Variants in EMP2 observed in about 807,000 individuals in gnomAD.
EMP2 encodes the protein epithelial membrane protein 2.
A neutral mutation model predicts 13.7 loss-of-function variants in EMP2; 19 were observed. The observed-to-expected ratio is 1.38, with a 90% CI of 0.97 to 2.03. The LOEUF (loss-of-function observed/expected upper bound fraction) is 2.03. Among genes scored for constraint, EMP2 ranks in the 30% most tolerant of loss-of-function variants. The pLI, the probability that EMP2 is intolerant of heterozygous loss-of-function variation, is 0.00. For synonymous variants in EMP2, 97 were observed against 84.7 expected (o/e 1.15, Z -0.80); for missense variants, 253 against 220.7 (o/e 1.15, Z -0.93).
At chr16:10,571,229 C>T (rs1161175758) in intron 1 of EMP2, among the ~76,000 whole-genome samples, 5 of 130,632 alleles carry the variant, frequency 3.8e-5, no homozygotes, top group African/African-American at 1.4e-4. Context: ...TGCACTCCAG[C>T]CTGGTGACAG....
intron 1 of EMP2, among the ~76,000 whole-genome samples, chr16:10,560,400 G>A (rs926244410): frequency 6.6e-5 from 10 of 152,238 alleles, no homozygotes; most frequent in African/African-American, 2.4e-4. Flanking sequence ...GGCAAGGACT[G>A]TGATCCACTT....
chr16:10,541,343 AT>A (rs2050697222), intron 3 of EMP2, among the ~76,000 whole-genome samples: 1 of 152,164 alleles, frequency 6.6e-6, no homozygotes, highest in South Asian at 2.1e-4. Context: ...CAGACAGTGA[AT>A]ATTTTAGGTT....
Position 10,532,756 on chromosome 16 carries a change from T to TTC in EMP2, c.*147_*148dup, listed in dbSNP as rs2050614639. The TTC allele has an allele frequency of 2.9e-6, 1 of 348,652 alleles. No individual in the cohort carries two copies. Among genetic ancestry groups the TTC allele is most frequent in the Non-Finnish European group, 4.2e-6 (1 of 240,540 alleles). 21.6% of individuals were successfully genotyped at this position (348,652 alleles called of 1,614,324 possible). ...CTCTTTTGGATTTTTTTTTTCTTTT[T>TTC]TCTTTTTTTTTTTTTTTTTTTTTTT... On this transcript the variant is annotated 3_prime_UTR_variant, in exon 5 of 5. Coordinates refer to ENST00000359543, the MANE Select transcript of EMP2 (RefSeq NM_001424.6).
intron 1 of EMP2, among the ~76,000 whole-genome samples, chr16:10,557,366 A>G (rs1335700773): frequency 6.6e-6 from 1 of 151,414 alleles, no homozygotes; most frequent in African/African-American, 2.4e-5. Context: ...CAAAAAAAAA[A>G]AAAAAACCCA....
chr16:10,575,993 A>G (rs1370661149), intron 1 of EMP2, among the ~76,000 whole-genome samples: 2 of 152,056 alleles, frequency 1.3e-5, no homozygotes, highest in East Asian at 1.9e-4. Flanking sequence ...TTATAAAGCC[A>G]TCTCCCCAAA....
chr16:10,537,800 A>G, intron 4 of EMP2, 128 bp downstream of exon 4: 1 of 1,211,028 alleles, frequency 8.3e-7, no homozygotes, highest in Non-Finnish European at 1.2e-6. Context: ...ACACCGGCAC[A>G]CAGCACCGCG....
intron 1 of EMP2, among the ~76,000 whole-genome samples, chr16:10,553,357 G>C (rs961976437): frequency 7.9e-5 from 12 of 152,218 alleles, no homozygotes; most frequent in African/African-American, 2.9e-4. Flanking sequence ...AGCCGTACCA[G>C]AGTAACACTC....
intron 1 of EMP2, among the ~76,000 whole-genome samples, chr16:10,558,687 C>T (rs1373462074): frequency 1.3e-5 from 2 of 152,170 alleles, no homozygotes; most frequent in Non-Finnish European, 2.9e-5. Context: ...CACTGCTGTC[C>T]TCTTCTTCAT....
In EMP2 at chr16:10,555,668, A is replaced by G. The variant is rs143106625; in HGVS notation, c.-60-7991T>C. Reference sequence around the variant, plus strand: ...AATGGAGCGATCTCGGCTCACCACAACCTCTGCCTCCTGAGTCCAGGCAAT... The same window carrying G: ...AATGGAGCGATCTCGGCTCACCACAGCCTCTGCCTCCTGAGTCCAGGCAAT... On this transcript the variant is annotated intron_variant, in intron 1 of 4. Transcript: ENST00000359543. Among the ~76,000 whole-genome samples the G allele has an allele frequency of 5.0e-3, 752 of 151,816 alleles. 11 individuals are homozygous for G. Among genetic ancestry groups the G allele is most frequent in the African/African-American group, 0.017 (715 of 41,348 alleles).
At chr16:10,579,893 G>C (rs2051013809) in intron 1 of EMP2, among the ~76,000 whole-genome samples, 1 of 152,172 alleles carries the variant, frequency 6.6e-6, no homozygotes, top group Non-Finnish European at 1.5e-5. Context: ...CTCTGGATTT[G>C]GGGAGGGCGT....
At position 10,570,855 on chromosome 16, in the gene EMP2, A is replaced by T. The variant is rs1035515025; in HGVS notation, c.-61+9694T>A. Among the ~76,000 whole-genome samples the T allele has an allele frequency of 4.6e-5, 7 of 152,198 alleles. No individual in the cohort carries two copies. The South Asian group carries it at 8.3e-4, about 18-fold the overall frequency. On this transcript the variant is annotated intron_variant, in intron 1 of 4. Coordinates refer to ENST00000359543, the MANE Select transcript of EMP2 (RefSeq NM_001424.6). ...CATGCCTGGCCTGGTATGAGTCTTAAAGGTCTTAAAGGATAAAGAATTAGC... is the reference window on the plus strand; with the variant it reads ...CATGCCTGGCCTGGTATGAGTCTTATAGGTCTTAAAGGATAAAGAATTAGC...
At chr16:10,561,427 A>C (rs1321729792) in intron 1 of EMP2, among the ~76,000 whole-genome samples, 7 of 152,178 alleles carry the variant, frequency 4.6e-5, no homozygotes, top group Non-Finnish European at 8.8e-5. Flanking sequence ...TCAGGGAGAA[A>C]GCATTAAGGG....
intron 2 of EMP2, chr16:10,545,915 C>T (rs949527595): frequency 6.6e-6 from 1 of 152,230 alleles, no homozygotes; most frequent in Non-Finnish European, 1.5e-5. Flanking sequence ...CAGCAAGAAG[C>T]TCCAGAACCC....
At chr16:10,556,851 C>T (rs1036885379) in intron 1 of EMP2, among the ~76,000 whole-genome samples, 17 of 152,228 alleles carry the variant, frequency 1.1e-4, no homozygotes, top group African/African-American at 4.1e-4. Context: ...TTATACGACT[C>T]TCTTTCCTCT....
chr16:10,571,796 T>G (rs2050949857), intron 1 of EMP2, among the ~76,000 whole-genome samples: 1 of 152,200 alleles, frequency 6.6e-6, no homozygotes, highest in East Asian at 1.9e-4. Flanking sequence ...CCAGAAGGAC[T>G]GAAGGTTTGC....
chr16:10,535,758 G>A lies in EMP2; in HGVS notation c.316+2170C>T, dbSNP rs143212158. Among the ~76,000 whole-genome samples the A allele has an allele frequency of 2.5e-3, 380 of 152,258 alleles. 1 individual carries two copies. The highest frequency in any genetic ancestry group is 8.6e-3 in the African/African-American group (357 of 41,568). ...GGATTCAATTGCCTTTAATGGGGTC[G>A]GTGAGGGTGGGGGGTCCACGCCTCT... On this transcript the variant is annotated intron_variant, in intron 4 of 4. Transcript: ENST00000359543.
chr16:10,535,243 A>T (rs1426080540), intron 4 of EMP2, among the ~76,000 whole-genome samples: 1 of 152,152 alleles, frequency 6.6e-6, no homozygotes, highest in Non-Finnish European at 1.5e-5. Context: ...TTGGACCAGA[A>T]AATGGCCACA....
At chr16:10,578,778 G>A (rs1304328277) in intron 1 of EMP2, among the ~76,000 whole-genome samples, 2 of 152,262 alleles carry the variant, frequency 1.3e-5, no homozygotes, top group African/African-American at 2.4e-5. Flanking sequence ...CTCCCCATGG[G>A]ATGGAGGTGG....
intron 1 of EMP2, among the ~76,000 whole-genome samples, chr16:10,550,561 A>G (rs1046790870): frequency 6.6e-6 from 1 of 152,180 alleles, no homozygotes; most frequent in Admixed American, 6.5e-5. Flanking sequence ...TGTGTCCTCA[A>G]TGGATCCCAC....
Sources: gnomAD v4.1 joint callset for allele counts (sites outside exome capture counted in the v4.1 genomes callset) on GRCh38, gnomAD v4.1.1 for gene constraint, MANE v1.5 for transcripts, NCBI Gene and HGNC (gene_info 2026-07-23, HGNC 2026-07-21) for gene names.